Variants in ASB3 observed in about 807,000 individuals in gnomAD.
ASB3 encodes the protein ankyrin repeat and SOCS box protein 3.
In ASB3, 41 loss-of-function variants were observed where a neutral mutation model predicts 54.5. That is an observed-to-expected ratio of 0.75 (90% CI 0.59 to 0.98). The LOEUF is 0.98. Among genes scored for constraint, ASB3 ranks in the 50% least tolerant of loss-of-function variants. The pLI, the probability that ASB3 is intolerant of heterozygous loss-of-function variation, is 0.00. For synonymous variants in ASB3, 266 were observed against 221.2 expected, an observed-to-expected ratio of 1.20 and a Z score of -1.80; for missense variants, 733 against 620.0, an observed-to-expected ratio of 1.18 and a Z score of -1.94.
intron 3 of ASB3, among the ~76,000 whole-genome samples, chr2:53,744,393 A>T (rs1462114419): frequency 1.3e-5 from 2 of 149,922 alleles, no homozygotes; most frequent in Admixed American, 6.6e-5. Flanking sequence ...TCAAAAAAAT[A>T]AATAAAAAAA....
At position 53,712,001 on chromosome 2, in the gene ASB3, C is replaced by T. The variant is rs79775581; in HGVS notation, c.980+2383G>A. On this transcript the variant is annotated intron_variant, in intron 7 of 9. Coordinates refer to ENST00000263634, the MANE Select transcript of ASB3 (RefSeq NM_016115.5). ...CTTCTTAGCATCACTGAAGTTTACA[C>T]AGAAAAAAATTCTACAGAGTAACTG... is the stretch of plus-strand genomic sequence containing the variant. Among the ~76,000 whole-genome samples, 518 of 151,974 alleles carry T rather than the reference C, an allele frequency of 3.4e-3. 15 individuals carry two copies. In the East Asian group the frequency reaches 0.044, roughly 13 times the overall value.
chr2:53,716,527 A>G, intron 6 of ASB3, 39 bp downstream of exon 6: 1 of 1,592,826 alleles, frequency 6.3e-7, no homozygotes, highest in Non-Finnish European at 8.6e-7. Flanking sequence ...TTAGCTTTTG[A>G]TTAAGAGACC....
At chr2:53,686,517 G>C (rs1668639454) in intron 9 of ASB3, among the ~76,000 whole-genome samples, 2 of 152,144 alleles carry the variant, frequency 1.3e-5, no homozygotes, top group South Asian at 2.1e-4. Flanking sequence ...TAAGAAGCTA[G>C]ATGATATTTA....
At chr2:53,757,364 G>A (rs1297936966) in intron 2 of ASB3, among the ~76,000 whole-genome samples, 1 of 152,216 alleles carries the variant, frequency 6.6e-6, no homozygotes, top group East Asian at 1.9e-4. Flanking sequence ...GGGAGGCCGA[G>A]GGCCGACTAG....
chr2:53,750,856 G>T lies in ASB3; in HGVS notation c.282C>A (p.Ile94=). 1.2e-6 allele frequency: 2 copies of T among 1,603,180 alleles called. No individual in the cohort carries two copies. Among genetic ancestry groups the T allele is most frequent in the Middle Eastern group, 1.7e-4 (1 of 6,046 alleles). ...CCCCAGCTTCTAAAAGAATCTGTAC[G>T]ATTTTCCAATGTCCTTGACTTGCAG... ...HLAASQGHWK[I]VQILLEAGAD... Residue 94 remains isoleucine (I), a synonymous_variant, in exon 3 of 10, where the codon ATC becomes ATA. Transcript: ENST00000263634.
intron 2 of ASB3, among the ~76,000 whole-genome samples, chr2:53,751,153 C>T (rs2104007609): frequency 6.6e-6 from 1 of 152,228 alleles, no homozygotes; most frequent in Non-Finnish European, 1.5e-5. Context: ...TACACAAATC[C>T]TGTCCACTAG....
intron 9 of ASB3, among the ~76,000 whole-genome samples, chr2:53,678,470 C>T (rs548934614): frequency 9.2e-5 from 14 of 152,282 alleles, no homozygotes; most frequent in African/African-American, 2.6e-4. Context: ...TTACAGAAAT[C>T]GTTTTAAGCC....
chr2:53,781,147 C>G (rs1266920793), intron 1 of ASB3, among the ~76,000 whole-genome samples: 4 of 152,112 alleles, frequency 2.6e-5, no homozygotes, highest in Admixed American at 6.5e-5. Context: ...GTGGCTCACA[C>G]CTGTAATCCC....
At chr2:53,770,891 C>T (rs1673855551) in intron 1 of ASB3, among the ~76,000 whole-genome samples, 1 of 152,196 alleles carries the variant, frequency 6.6e-6, no homozygotes, top group African/African-American at 2.4e-5. Flanking sequence ...AAATGCCTAC[C>T]TTGAAGCACC....
At chr2:53,772,673 G>A (rs1032647448) in intron 1 of ASB3, among the ~76,000 whole-genome samples, 19 of 151,742 alleles carry the variant, frequency 1.3e-4, no homozygotes, top group African/African-American at 3.4e-4. Context: ...TTGCTTAATT[G>A]TATCAATAGC....
At chr2:53,698,465 T>A (rs1159741407) in intron 8 of ASB3, among the ~76,000 whole-genome samples, 1 of 152,204 alleles carries the variant, frequency 6.6e-6, no homozygotes, top group Non-Finnish European at 1.5e-5. Flanking sequence ...TATTATGTCC[T>A]AAGTCATTCC....
At chr2:53,759,647 G>T in intron 2 of ASB3, among the ~76,000 whole-genome samples, 1 of 152,312 alleles carries the variant, frequency 6.6e-6, no homozygotes, top group Middle Eastern at 3.4e-3. Flanking sequence ...CTGGAACAGG[G>T]AAAGGCTGGG....
chr2:53,694,766 T>G (rs1669097092), intron 8 of ASB3, among the ~76,000 whole-genome samples: 1 of 152,156 alleles, frequency 6.6e-6, no homozygotes, highest in Admixed American at 6.6e-5. Flanking sequence ...TTATTTAAAC[T>G]CTCGCTCCTG....
rs1673398583 is a variant in ASB3, at chr2:53,765,634, T to G, written c.-13-49A>C. 4 of 1,608,168 alleles carry G rather than the reference T, an allele frequency of 2.5e-6. No individual in the cohort carries two copies. In the South Asian group the frequency reaches 3.3e-5, roughly 13 times the overall value. ...ATACTATAGTCAATAAAACAACACT[T>G]CACTCCTAGAGGTCAGCAAATCACG... On this transcript the variant is annotated intron_variant, in intron 1 of 9. Coordinates refer to ENST00000263634, the MANE Select transcript of ASB3 (RefSeq NM_016115.5).
rs892979980 is a variant in ASB3 at position 53,739,362 on chromosome 2, G to A, written c.356-9792C>T. Among the ~76,000 whole-genome samples the A allele has an allele frequency of 1.3e-3, 195 of 152,082 alleles. 7 individuals carry two copies. The highest frequency in any genetic ancestry group is 5.4e-4 in the Non-Finnish European group (37 of 68,014). Reference sequence around the variant, plus strand: ...TTTCATGAAAGCAAGAACTCAAAACGGGACTCTCATCTGGGAGAAATATGG... The same window carrying A: ...TTTCATGAAAGCAAGAACTCAAAACAGGACTCTCATCTGGGAGAAATATGG... On this transcript the variant is annotated intron_variant, in intron 3 of 9. Transcript: ENST00000263634.
chr2:53,739,202 A>G (rs967018233), intron 3 of ASB3, among the ~76,000 whole-genome samples: 5 of 152,234 alleles, frequency 3.3e-5, no homozygotes, highest in African/African-American at 7.2e-5. Context: ...ATCTTAGGTA[A>G]CAAAATATTT....
chr2:53,716,828 G>A, intron 5 of ASB3, 85 bp from the exon 6 acceptor site: 1 of 1,417,058 alleles, frequency 7.1e-7, no homozygotes, highest in Non-Finnish European at 9.4e-7. Flanking sequence ...ACCATAAAAG[G>A]GTTTCGTAGC....
At chr2:53,765,728 G>T in intron 1 of ASB3, 143 bp from the exon 2 acceptor site, 1 of 973,936 alleles carries the variant, frequency 1.0e-6, no homozygotes, top group Non-Finnish European at 1.5e-6. Context: ...TGACTGCCAT[G>T]CCACAGTCTC....
Position 53,681,754 on chromosome 2 carries a change from T to A in ASB3, c.1370-11064A>T, listed in dbSNP as rs186411984. On this transcript the variant is annotated intron_variant, in intron 9 of 9. Transcript: ENST00000263634. ...TATGCCAGTACCAGGCTGTTTTAGT[T>A]ACTATGGCTTTGTAGTACAATTTGA... Among the ~76,000 whole-genome samples, 3 of 152,312 alleles carry A rather than the reference T, an allele frequency of 2.0e-5. No individual in the cohort carries two copies. The East Asian group carries it at 5.8e-4, about 29-fold the overall frequency.
Sources: allele counts gnomAD v4.1 joint callset (sites outside exome capture counted in the v4.1 genomes callset), GRCh38; gene constraint gnomAD v4.1.1; transcripts MANE v1.5; gene names NCBI Gene and HGNC (gene_info 2026-07-23, HGNC 2026-07-21).